The following VAV1 variants were observed in gnomAD, a reference collection of about 807,000 sequenced individuals.
VAV1 encodes the protein vav guanine nucleotide exchange factor 1, also known as proto-oncogene vav.
Under a neutral mutation model 128.1 loss-of-function variants are expected in VAV1, and 33 were observed. That is an observed-to-expected ratio of 0.26 (90% CI 0.20 to 0.34). The LOEUF is 0.34. VAV1 is among the 10% of genes least tolerant of loss of function. The pLI is 1.00. For synonymous variants in VAV1, 394 were observed against 409.8 expected (o/e 0.96, Z 0.47); for missense variants, 715 against 1,093.7 (o/e 0.65, Z 4.88).
intron 1 of VAV1, among the ~76,000 whole-genome samples, chr19:6,780,895 T>C (rs111767520): frequency 5.3e-5 from 8 of 150,002 alleles, no homozygotes; most frequent in African/African-American, 1.9e-4. Flanking sequence ...ATTTATACCA[T>C]ATTTTATACA....
At chr19:6,848,892 C>T (rs1972593985) in intron 23 of VAV1, among the ~76,000 whole-genome samples, 1 of 151,658 alleles carries the variant, frequency 6.6e-6, no homozygotes, top group South Asian at 2.1e-4. Flanking sequence ...CTCCCAGATT[C>T]AGGGGACCCT....
Position 6,773,105 on chromosome 19 carries a change from G to T in VAV1, c.204+94G>T, listed in dbSNP as rs571747402. The T allele has an allele frequency of 3.4e-6, 5 of 1,490,880 alleles. No homozygotes were observed. The East Asian group carries it at 1.1e-4, about 34-fold the overall frequency. 92.4% of individuals were successfully genotyped at this position (1,490,880 alleles called of 1,614,324 possible). ...GGGCTGACGTGCTGCTCCACCTCTG[G>T]GCCTGCAAAGGAGAGGGAATATGCT... On this transcript the variant is annotated intron_variant, in intron 1 of 26. Coordinates refer to ENST00000602142, the MANE Select transcript of VAV1 (RefSeq NM_005428.4).
chr19:6,820,005 T>C lies in VAV1; in HGVS notation c.205-697T>C, dbSNP rs888719950. Among the ~76,000 whole-genome samples, 2 of 152,096 alleles carry C rather than the reference T, an allele frequency of 1.3e-5. No homozygotes were observed. The highest frequency in any genetic ancestry group is 2.9e-5 in the Non-Finnish European group (2 of 68,012). On this transcript the variant is annotated intron_variant, in intron 1 of 26. Transcript: ENST00000602142. This position sits in a 1 kb window ranked among gnomAD's most constrained non-coding sequence, Gnocchi z 4.4. ...AGTAACTTAAACAAGAAAAGGAATGTTTTGGCTCATGAAATAAAAAAGTTT... is the reference window on the plus strand; with the variant it reads ...AGTAACTTAAACAAGAAAAGGAATGCTTTGGCTCATGAAATAAAAAAGTTT...
intron 26 of VAV1, among the ~76,000 whole-genome samples, chr19:6,855,850 C>T (rs1313843523): frequency 6.6e-6 from 1 of 151,442 alleles, no homozygotes; most frequent in East Asian, 1.9e-4. Context: ...TCTATCCATT[C>T]ATTATCTATC....
intron 1 of VAV1, among the ~76,000 whole-genome samples, chr19:6,801,521 C>A (rs1053292102): frequency 1.3e-5 from 2 of 152,104 alleles, no homozygotes; most frequent in Non-Finnish European, 2.9e-5. Context: ...TGCTTCGGAG[C>A]TTTGAAAGGG....
At chr19:6,835,091 C>A (rs1437972362) in intron 19 of VAV1, among the ~76,000 whole-genome samples, 1 of 151,912 alleles carries the variant, frequency 6.6e-6, no homozygotes, top group African/African-American at 2.4e-5. Flanking sequence ...GGTATGTTTT[C>A]TTCTTATTAT....
intron 1 of VAV1, among the ~76,000 whole-genome samples, chr19:6,773,936 TG>T (rs1405793860): frequency 2.0e-5 from 3 of 151,966 alleles, no homozygotes. Context: ...TCCTGGGGCC[TG>T]GGGGACACAG....
chr19:6,849,116 A>C (rs967323252), intron 23 of VAV1, among the ~76,000 whole-genome samples: 10 of 151,230 alleles, frequency 6.6e-5, no homozygotes, highest in Non-Finnish European at 1.2e-4. Flanking sequence ...TTATTTTAGA[A>C]TCAGAGGGCA....
intron 1 of VAV1, among the ~76,000 whole-genome samples, chr19:6,795,133 T>TA (rs1971102386): frequency 6.6e-6 from 1 of 152,108 alleles, no homozygotes; most frequent in Non-Finnish European, 1.5e-5. Flanking sequence ...CAGTGTCACT[T>TA]ACAGCAGTTT....
Position 6,820,906 on chromosome 19 carries a change from C to T in VAV1, c.321+88C>T, listed in dbSNP as rs184628709. 263 of 1,298,620 alleles carry T rather than the reference C, an allele frequency of 2.0e-4. No homozygotes were observed. Among genetic ancestry groups the T allele is most frequent in the South Asian group, 1.3e-3 (110 of 83,110 alleles). The allele number at this position is 1,298,620 out of a possible 1,614,324, so 80.4% of individuals were successfully genotyped here. On this transcript the variant is annotated intron_variant, in intron 2 of 26. Coordinates refer to ENST00000602142, the MANE Select transcript of VAV1 (RefSeq NM_005428.4). The surrounding 1 kb of genome is among the most constrained non-coding windows in gnomAD (Gnocchi z 4.4). The stretch of plus-strand genomic sequence containing the variant: ...GGGCAAGCTAAGGACTGTCAGGGGA[C>T]AGGCAGACAAGCCAGACCAGGCCAT...
At position 6,791,919 on chromosome 19, in the gene VAV1, G is replaced by C. The variant is rs188884397; in HGVS notation, c.204+18908G>C. Among the ~76,000 whole-genome samples, 170 of 152,258 alleles carry C rather than the reference G, an allele frequency of 1.1e-3. 2 individuals are homozygous for C. Among genetic ancestry groups the C allele is most frequent in the South Asian group, 0.01 (50 of 4,824 alleles). ...AATCAGAATGAAGGAGCTTCTGGAAGGAAGGGAGTGAGTGGAGGGAGAGTG... is the reference window on the plus strand; with the variant it reads ...AATCAGAATGAAGGAGCTTCTGGAACGAAGGGAGTGAGTGGAGGGAGAGTG... On this transcript the variant is annotated intron_variant, in intron 1 of 26. Coordinates refer to ENST00000602142, the MANE Select transcript of VAV1 (RefSeq NM_005428.4).
chr19:6,776,674 A>G (rs540394718), intron 1 of VAV1, among the ~76,000 whole-genome samples: 29 of 151,884 alleles, frequency 1.9e-4, no homozygotes, highest in African/African-American at 5.6e-4. Flanking sequence ...CCATCCATGT[A>G]TCCACCCATC....
chr19:6,800,137 T>G (rs991091877), intron 1 of VAV1, among the ~76,000 whole-genome samples: 1 of 150,034 alleles, frequency 6.7e-6, no homozygotes, highest in African/African-American at 2.4e-5. Context: ...GTTTCTTAAT[T>G]TTTTTTTTTA....
chr19:6,812,638 G>A (rs772372999), intron 1 of VAV1, among the ~76,000 whole-genome samples: 1 of 152,118 alleles, frequency 6.6e-6, no homozygotes, highest in African/African-American at 2.4e-5. Flanking sequence ...ATGACAGAGG[G>A]AGACTCTATC....
rs555463510 is a variant in VAV1, at chr19:6,834,028, T to C, written c.1777+75T>C. 5.0e-6 allele frequency: 8 copies of C among 1,601,222 alleles called. No homozygotes were observed. The South Asian group carries it at 8.8e-5, about 18-fold the overall frequency. On this transcript the variant is annotated intron_variant, in intron 19 of 26. Coordinates refer to ENST00000602142, the MANE Select transcript of VAV1 (RefSeq NM_005428.4). ...ATTGATGTTGACCCAGGGACAGATC[T>C]CCATAATCATATTAACAGCCACATT...
chr19:6,846,574 A>G (rs1031450727), intron 22 of VAV1, among the ~76,000 whole-genome samples: 1 of 149,828 alleles, frequency 6.7e-6, no homozygotes, highest in African/African-American at 2.4e-5. Flanking sequence ...AAAATTATAT[A>G]TTATATATAA....
chr19:6,833,107 A>G (rs1326574091), intron 15 of VAV1, 77 bp from the exon 16 acceptor site: 13 of 1,319,286 alleles, frequency 9.9e-6, no homozygotes, highest in Middle Eastern at 4.7e-4. Flanking sequence ...TGTTCATACC[A>G]TGGAATAGTA....
rs533758688 is a variant in VAV1, at chr19:6,799,318, C to T, written c.205-21384C>T. Among the ~76,000 whole-genome samples, 37 of 152,230 alleles carry T rather than the reference C, an allele frequency of 2.4e-4. 1 individual carries two copies. The East Asian group carries it at 7.0e-3, about 29-fold the overall frequency. ...GAACAGCTGGGACTACAGGTGTGCG[C>T]CACCACGCCTGGCTAATTTTTTTGT... On this transcript the variant is annotated intron_variant, in intron 1 of 26. Transcript: ENST00000602142.
chr19:6,826,524 G>A lies in VAV1; in HGVS notation c.828-88G>A, dbSNP rs1568306199. 16 of 948,330 alleles carry A rather than the reference G, an allele frequency of 1.7e-5. No individual in the cohort carries two copies. Among genetic ancestry groups the A allele is most frequent in the South Asian group, 1.1e-4 (8 of 71,922 alleles). 58.7% of individuals were successfully genotyped at this position (948,330 alleles called of 1,614,324 possible). ...CTGGGACTCAGGTTTCTTCTCCAGC[G>A]GGGAAGAGCAAGGCCAGGGCTGACG... On this transcript the variant is annotated intron_variant, in intron 8 of 26. Transcript: ENST00000602142. This position sits in a 1 kb window ranked among gnomAD's most constrained non-coding sequence, Gnocchi z 4.1.
Sources: allele counts gnomAD v4.1 joint callset (sites outside exome capture counted in the v4.1 genomes callset), GRCh38; gene constraint gnomAD v4.1.1; non-coding constraint Gnocchi (gnomAD v3.1); transcripts MANE v1.5; gene names NCBI Gene and HGNC (gene_info 2026-07-23, HGNC 2026-07-21).